The following INTS6 variants were observed in gnomAD, a reference collection of about 807,000 sequenced individuals.
The protein encoded by INTS6 is DEAD box protein.
A neutral mutation model predicts 104.9 loss-of-function variants in INTS6; 16 were observed. The ratio of observed to expected loss-of-function variants is 0.15; its 90% CI spans 0.10 to 0.23. The LOEUF is 0.23. Ranked by LOEUF, INTS6 falls within the 10% of genes least tolerant of loss-of-function variation. The pLI is 1.00. For synonymous variants in INTS6, 324 were observed against 358.7 expected (o/e 0.90, Z 1.09); for missense variants, 584 against 1,062.8 (o/e 0.55, Z 6.26).
intron 3 of INTS6, chr13:51,438,698 T>C (rs1952739658): frequency 1.3e-5 from 2 of 152,274 alleles, no homozygotes; most frequent in African/African-American, 2.4e-5. Flanking sequence ...TTCTAACTTA[T>C]TGGTTTAAGA....
Position 51,369,393 on chromosome 13 carries a change from C to T in INTS6, c.2105-83G>A, listed in dbSNP as rs372389721. 2.9e-5 allele frequency: 39 copies of T among 1,357,568 alleles called. No individual in the cohort carries two copies. In the African/African-American group the frequency reaches 3.5e-4, roughly 12 times the overall value. The allele number at this position is 1,357,568 out of a possible 1,614,324, so 84.1% of individuals were successfully genotyped here. The stretch of plus-strand genomic sequence containing the variant: ...ATAAAGCTACAAAAGAACATTACTA[C>T]AGCAAGTCAACTGTTTTCCTTGACT... On this transcript the variant is annotated intron_variant, in intron 15 of 17. Transcript: ENST00000311234.
intron 4 of INTS6, among the ~76,000 whole-genome samples, chr13:51,418,055 A>C (rs1416871214): frequency 1.3e-5 from 2 of 152,238 alleles, no homozygotes; most frequent in Non-Finnish European, 2.9e-5. Flanking sequence ...AGGAGATGTG[A>C]AATTACCTTG....
chr13:51,448,470 A>G (rs1414782697), intron 3 of INTS6: 2 of 152,140 alleles, frequency 1.3e-5, no homozygotes, highest in African/African-American at 4.8e-5. Context: ...ACTAAGAACC[A>G]TTCTTTTTTC....
chr13:51,414,463 T>G (rs974498523), intron 4 of INTS6, among the ~76,000 whole-genome samples: 2 of 152,190 alleles, frequency 1.3e-5, no homozygotes, highest in African/African-American at 2.4e-5. Flanking sequence ...AAAGAGGCAC[T>G]GTATGTGTGT....
intron 4 of INTS6, among the ~76,000 whole-genome samples, chr13:51,412,036 A>G (rs943124449): frequency 7.9e-5 from 12 of 152,256 alleles, no homozygotes; most frequent in African/African-American, 2.9e-4. Flanking sequence ...ATTATGCTAA[A>G]GAAGCCAGCC....
At chr13:51,387,075 T>C (rs1428927580) in intron 7 of INTS6, among the ~76,000 whole-genome samples, 1 of 152,178 alleles carries the variant, frequency 6.6e-6, no homozygotes, top group Non-Finnish European at 1.5e-5. Context: ...TCCTAAATTG[T>C]GTCCCAGAGA....
intron 3 of INTS6, chr13:51,437,755 A>C (rs913303690): frequency 2.0e-5 from 3 of 152,294 alleles, no homozygotes; most frequent in African/African-American, 7.2e-5. Flanking sequence ...CACACCTGTA[A>C]TCCAACACTT....
chr13:51,348,431 T>C, the INTS6 span: 91 of 1,601,900 alleles, frequency 5.7e-5, no homozygotes, highest in East Asian at 2.0e-3. Flanking sequence ...TGAGTCCCCC[T>C]CACAGGTGCT....
At chr13:51,350,459 A>T (rs1955393561), downstream of INTS6, among the ~76,000 whole-genome samples, 1 of 152,176 alleles carries the variant, frequency 6.6e-6, no homozygotes, top group South Asian at 2.1e-4. Flanking sequence ...ACATTTGATT[A>T]TTAGGTCAAC....
chr13:51,445,394 G>C (rs955820773), intron 3 of INTS6: 1 of 152,082 alleles, frequency 6.6e-6, no homozygotes, highest in African/African-American at 2.4e-5. Context: ...AATCAGCTTT[G>C]AAGATTTTTA....
intron 4 of INTS6, among the ~76,000 whole-genome samples, chr13:51,413,781 C>T (rs574254234): frequency 7.8e-4 from 118 of 152,086 alleles, no homozygotes; most frequent in African/African-American, 2.4e-3. Flanking sequence ...TTCCATATAC[C>T]ACGTCCTAAT....
At position 51,409,665 on chromosome 13, in the gene INTS6, T is replaced by C. The variant is rs1026719935; in HGVS notation, c.430-14182A>G. Among the ~76,000 whole-genome samples the C allele has an allele frequency of 3.5e-5, 5 of 143,694 alleles. No homozygotes were observed. The South Asian group carries it at 6.2e-4, about 18-fold the overall frequency. 94.3% of individuals were successfully genotyped at this position (143,694 alleles called of 152,430 possible). A position where few individuals can be genotyped will look rare whatever the true frequency, so the allele number is the denominator to read the frequency against. ...TATTTTTTTTAATTTTAAGGAACAA[T>C]TGGTGTTCCTTAAAATTAAATGTTA... is the stretch of plus-strand genomic sequence containing the variant. On this transcript the variant is annotated intron_variant, in intron 4 of 17. Transcript: ENST00000311234.
At chr13:51,434,276 A>G (rs1212532918) in intron 3 of INTS6, among the ~76,000 whole-genome samples, 1 of 152,152 alleles carries the variant, frequency 6.6e-6, no homozygotes, top group Non-Finnish European at 1.5e-5. Context: ...TTCCCCCAAC[A>G]CACACTGAAA....
At chr13:51,399,295 C>T (rs554201502) in intron 4 of INTS6, among the ~76,000 whole-genome samples, 4 of 152,162 alleles carry the variant, frequency 2.6e-5, no homozygotes, top group Non-Finnish European at 4.4e-5. Flanking sequence ...CACCCTCAAA[C>T]TCCTAGACTC....
In INTS6 at chr13:51,376,069, A is replaced by G. The variant is rs1955924984; in HGVS notation, c.1708T>C (p.Phe570Leu). 1 of 1,610,032 alleles carries G rather than the reference A, an allele frequency of 6.2e-7. No homozygotes were observed. The highest frequency in any genetic ancestry group is 1.7e-5 in the Admixed American group (1 of 59,778). Reference protein sequence around the residue: ...RSNLLKSTRRFLKGQDEDQVH... With the variant: ...RSNLLKSTRRLLKGQDEDQVH... ...TAACCTTCGTCCTGTCCTTTCAGAA[A>G]TCTGCGAGTGCTCTTCAAAAGATTA... is the stretch of plus-strand genomic sequence containing the variant. The change falls in exon 13 of 18, where the codon TTT (phenylalanine) becomes CTT (leucine). Residue 570 changes from phenylalanine (F) to leucine (L), a missense_variant. Phe to Leu is a conservative substitution (Grantham distance 22, BLOSUM62 0). Coordinates refer to ENST00000311234, the MANE Select transcript of INTS6 (RefSeq NM_012141.3).
chr13:51,381,720 C>T (rs533842323), intron 10 of INTS6, among the ~76,000 whole-genome samples: 74 of 139,766 alleles, frequency 5.3e-4, no homozygotes, highest in South Asian at 4.5e-4. Flanking sequence ...TTTTTGGAGA[C>T]GGTGTTTCGC....
Position 51,369,060 on chromosome 13 carries a change from T to G in INTS6, c.2355A>C (p.Glu785Asp). Residue 785 changes from glutamate (E) to aspartate (D), a missense_variant, in exon 16 of 18, where the codon GAA becomes GAC. This residue lies in a region of INTS6 where 296 missense variants were observed against 437.0 expected (regional missense o/e 0.68). Coordinates refer to ENST00000311234, the MANE Select transcript of INTS6 (RefSeq NM_012141.3). The stretch of plus-strand genomic sequence containing the variant: ...TGAGTGAAGATGCTGGTATGTTCTC[T>G]TCAGCACATTGTTCTTTATCTCTTG... Reference protein sequence around the residue: ...EEPRDKEQCAEENIPASSLNK... With the variant: ...EEPRDKEQCADENIPASSLNK... 6.2e-7 allele frequency: 1 copy of G among 1,613,920 alleles called. No individual in the cohort carries two copies. Among genetic ancestry groups the G allele is most frequent in the South Asian group, 1.1e-5 (1 of 91,084 alleles).
chr13:51,392,635 A>G (rs1305719845), intron 5 of INTS6, among the ~76,000 whole-genome samples: 2 of 152,174 alleles, frequency 1.3e-5, no homozygotes, highest in African/African-American at 2.4e-5. Flanking sequence ...TTACCTCCTC[A>G]GACGAAAACT....
At chr13:51,433,103 CA>C (rs1212866295) in intron 3 of INTS6, among the ~76,000 whole-genome samples, 1 of 152,138 alleles carries the variant, frequency 6.6e-6, no homozygotes, top group Non-Finnish European at 1.5e-5. Flanking sequence ...CAGCATGGAC[CA>C]AATATTTGTA....
Sources: allele counts gnomAD v4.1 joint callset (sites outside exome capture counted in the v4.1 genomes callset), GRCh38; gene constraint gnomAD v4.1.1; regional missense constraint gnomAD v4.1.1; transcripts MANE v1.5; gene names NCBI Gene and HGNC (gene_info 2026-07-23, HGNC 2026-07-21).